The following CSMD2 variants were observed in gnomAD, a reference collection of about 807,000 sequenced individuals.
CSMD2 encodes CUB and Sushi multiple domains 2.
A neutral mutation model predicts 398.5 loss-of-function variants in CSMD2; 130 were observed. The ratio of observed to expected loss-of-function variants is 0.33; its 90% CI spans 0.28 to 0.38. The LOEUF is 0.38. Among genes scored for constraint, CSMD2 ranks in the 10% least tolerant of loss-of-function variants. The pLI, the probability that CSMD2 is intolerant of heterozygous loss-of-function variation, is 1.00. For missense variants in CSMD2, 3,829 were observed against 4,764.9 expected, an observed-to-expected ratio of 0.80 and a Z score of 5.78; for synonymous variants, 1,828 against 1,908.5, an observed-to-expected ratio of 0.96 and a Z score of 1.10.
At chr1:34,004,626 TAGTA>T (rs1647003292) in intron 3 of CSMD2, among the ~76,000 whole-genome samples, 1 of 152,170 alleles carries the variant, frequency 6.6e-6, no homozygotes, top group Non-Finnish European at 1.5e-5. Context: ...CATTTGTTGA[TAGTA>T]AGATTTGTTT....
intron 14 of CSMD2, among the ~76,000 whole-genome samples, chr1:33,742,581 C>A (rs12120242): frequency 9.1e-5 from 10 of 109,488 alleles, no homozygotes; most frequent in South Asian, 2.9e-4. Context: ...GCTTCTGCCC[C>A]CCCCCCCCCA....
At position 33,550,226 on chromosome 1, in the gene CSMD2, G is replaced by A. The variant is rs148880986; in HGVS notation, c.8868C>T (p.Arg2956=). Reference sequence around the variant, plus strand: ...TCCAGTGTCCATCCAGCCCACACATGCGGGTGCTGTTTCCCACCAGAGTAC... The same window carrying A: ...TCCAGTGTCCATCCAGCCCACACATACGGGTGCTGTTTCCCACCAGAGTAC... ...GKRTLVGNST[R]MCGLDGHWTG... is the part of the protein sequence containing the mutation. Residue 2956 remains arginine (R), a synonymous_variant, in exon 56 of 71, where the codon CGC becomes CGT. Transcript: ENST00000373381. The A allele has an allele frequency of 3.7e-6, 6 of 1,614,082 alleles. No individual in the cohort carries two copies. The African/African-American group carries it at 4.0e-5, about 11-fold the overall frequency.
intron 5 of CSMD2, among the ~76,000 whole-genome samples, chr1:33,853,918 A>T (rs556486975): frequency 7.3e-4 from 111 of 152,316 alleles, no homozygotes; most frequent in Middle Eastern, 3.4e-3. Flanking sequence ...AAAATCTGAG[A>T]TTTGAGAAGG....
At chr1:33,713,463 C>T (rs1437692833) in intron 21 of CSMD2, among the ~76,000 whole-genome samples, 8 of 152,156 alleles carry the variant, frequency 5.3e-5, no homozygotes, top group Non-Finnish European at 1.2e-4. Flanking sequence ...TCCATGAATG[C>T]AGCTAGTGTT....
rs550171177 is a variant in CSMD2 at position 33,640,970 on chromosome 1, G to A, written c.4775-4416C>T. Among the ~76,000 whole-genome samples the A allele has an allele frequency of 2.3e-3, 356 of 152,172 alleles. 2 individuals carry two copies. Among genetic ancestry groups the A allele is most frequent in the Non-Finnish European group, 3.3e-3 (223 of 67,996 alleles). On this transcript the variant is annotated intron_variant, in intron 29 of 70. Transcript: ENST00000373381. ...TTTTTAGGACCTTCCATTAAAAATC[G>A]ATTCACTTTGGTCTTTCCTGTGTTC...
rs1429861683 is a variant in CSMD2, at chr1:34,164,836, G to A, written c.187+75C>T. ...GAGGCGGGGGGAGGGACTGGGACCG[G>A]GTCGAGGATGGGTGGGCTCGGGGCT... On this transcript the variant is annotated intron_variant, in intron 1 of 70. Transcript: ENST00000373381. The surrounding 1 kb of genome is among the most constrained non-coding windows in gnomAD (Gnocchi z 6.2). The A allele has an allele frequency of 3.4e-6, 4 of 1,179,186 alleles. No individual in the cohort carries two copies. Among genetic ancestry groups the A allele is most frequent in the Non-Finnish European group, 4.2e-6 (4 of 946,616 alleles). The allele number at this position is 1,179,186 out of a possible 1,614,324, so 73.0% of individuals were successfully genotyped here. A position where few individuals can be genotyped will look rare whatever the true frequency, so the allele number is the denominator to read the frequency against.
chr1:34,067,055 G>A (rs572136377), intron 2 of CSMD2, among the ~76,000 whole-genome samples: 1 of 152,294 alleles, frequency 6.6e-6, no homozygotes, highest in East Asian at 1.9e-4. Flanking sequence ...CACAGGCGAG[G>A]ATGAATGCCC....
At chr1:34,103,547 G>A (rs557005418) in intron 1 of CSMD2, among the ~76,000 whole-genome samples, 10 of 151,944 alleles carry the variant, frequency 6.6e-5, no homozygotes, top group South Asian at 2.1e-4. Flanking sequence ...CGCCCACCTC[G>A]GCCTCCCAAA....
intron 1 of CSMD2, among the ~76,000 whole-genome samples, chr1:34,138,937 T>G (rs986520979): frequency 6.6e-6 from 1 of 152,190 alleles, no homozygotes; most frequent in Admixed American, 6.5e-5. Context: ...TTTTTCCTTT[T>G]CATATTCGAC....
intron 48 of CSMD2, among the ~76,000 whole-genome samples, chr1:33,579,112 C>A (rs147659000): frequency 1.2e-3 from 182 of 152,306 alleles, no homozygotes; most frequent in African/African-American, 4.1e-3. Context: ...GTAATTACAA[C>A]TGACTCATTA....
At chr1:33,990,425 A>G (rs1261388904) in intron 3 of CSMD2, among the ~76,000 whole-genome samples, 2 of 152,186 alleles carry the variant, frequency 1.3e-5, no homozygotes, top group Non-Finnish European at 2.9e-5. Context: ...TTTAATTGGA[A>G]TTAATGAGGA....
chr1:33,580,642 AG>A, intron 48 of CSMD2, 110 bp downstream of exon 48: 1 of 1,152,472 alleles, frequency 8.7e-7, no homozygotes, highest in South Asian at 1.5e-5. Flanking sequence ...AAGACCACTT[AG>A]CTTCAGGTGA....
intron 2 of CSMD2, among the ~76,000 whole-genome samples, chr1:34,067,141 T>C (rs542596685): frequency 6.6e-6 from 1 of 152,270 alleles, no homozygotes; most frequent in Admixed American, 6.5e-5. Flanking sequence ...CCCTCATACA[T>C]GAGTTATCCC....
At chr1:33,868,773 T>C (rs956639137) in intron 5 of CSMD2, among the ~76,000 whole-genome samples, 10 of 151,918 alleles carry the variant, frequency 6.6e-5, no homozygotes, top group African/African-American at 2.2e-4. Context: ...CAAATACATA[T>C]ATCGAATCAG....
At chr1:34,111,841 A>C (rs187449656) in intron 1 of CSMD2, among the ~76,000 whole-genome samples, 1 of 152,280 alleles carries the variant, frequency 6.6e-6, no homozygotes, top group African/African-American at 2.4e-5. Flanking sequence ...GAAGGCCTAA[A>C]AGAGCTGACC....
At chr1:33,908,381 T>C (rs1028204351) in intron 5 of CSMD2, among the ~76,000 whole-genome samples, 1 of 152,244 alleles carries the variant, frequency 6.6e-6, no homozygotes, top group Non-Finnish European at 1.5e-5. Flanking sequence ...GAACAACTCC[T>C]TCCATCTGTC....
At chr1:34,095,334 A>G (rs1482022559) in intron 1 of CSMD2, among the ~76,000 whole-genome samples, 3 of 147,454 alleles carry the variant, frequency 2.0e-5, no homozygotes, top group Non-Finnish European at 3.0e-5. Context: ...ACACCCTAAC[A>G]TCACAATTAA....
chr1:33,728,474 C>T (rs1021729322), intron 15 of CSMD2, among the ~76,000 whole-genome samples: 1 of 152,066 alleles, frequency 6.6e-6, no homozygotes, highest in South Asian at 2.1e-4. Context: ...TGATGACTTA[C>T]TATGCTAATT....
At chr1:33,601,965 AC>A (rs1557603002) in intron 43 of CSMD2, among the ~76,000 whole-genome samples, 2 of 152,344 alleles carry the variant, frequency 1.3e-5, no homozygotes, top group South Asian at 4.1e-4. Context: ...GCACCAGATG[AC>A]CAACGGGACA....
Sources: allele counts gnomAD v4.1 joint callset (sites outside exome capture counted in the v4.1 genomes callset), GRCh38; gene constraint gnomAD v4.1.1; non-coding constraint Gnocchi (gnomAD v3.1); transcripts MANE v1.5; gene names NCBI Gene and HGNC (gene_info 2026-07-23, HGNC 2026-07-21).